The following TATDN2 variants were observed in gnomAD, a reference collection of about 807,000 sequenced individuals.
TATDN2 encodes the protein TatD DNase domain containing 2, also known as 3'-5' RNA nuclease TATDN2.
TATDN2 carries 44 observed loss-of-function variants against 60.3 expected under a neutral mutation model. That is an observed-to-expected ratio of 0.73 (90% confidence interval 0.57 to 0.94). The LOEUF (loss-of-function observed/expected upper bound fraction) is 0.94. Ranked by LOEUF, TATDN2 falls within the 40% of genes least tolerant of loss-of-function variation. TATDN2 has a pLI of 0.00. For missense variants in TATDN2, 997 were observed against 948.0 expected, an observed-to-expected ratio of 1.05 and a Z score of -0.68; for synonymous variants, 399 against 355.8, an observed-to-expected ratio of 1.12 and a Z score of -1.37.
At chr3:10,275,950 G>A (rs528032511) in intron 4 of TATDN2, among the ~76,000 whole-genome samples, 1 of 152,232 alleles carries the variant, frequency 6.6e-6, no homozygotes, top group South Asian at 2.1e-4. Flanking sequence ...GCGGAGGTGG[G>A]GACAGTGAGG....
chr3:10,276,480 G>C lies in TATDN2; in HGVS notation c.1953G>C (p.Lys651Asn). Reference sequence around the variant, plus strand: ...AAAAGTTTGTGCCCCCTGACTACAAGATCCATAGGTTAGAAGACTGGAACT... The same window carrying C: ...AAAAGTTTGTGCCCCCTGACTACAACATCCATAGGTTAGAAGACTGGAACT... ...IMKKFVPPDY[K>N]IHRHCFTGSY... Residue 651 changes from lysine (K) to asparagine (N), a missense_variant, in exon 5 of 8, where the codon AAG becomes AAC. Physicochemically the swap from Lys to Asn is moderately conservative, Grantham distance 94 (BLOSUM62 0). Coordinates refer to ENST00000448281, the MANE Select transcript of TATDN2 (RefSeq NM_014760.4). The C allele has an allele frequency of 6.2e-7, 1 of 1,613,888 alleles. No individual in the cohort carries two copies. The highest frequency in any genetic ancestry group is 8.5e-7 in the Non-Finnish European group (1 of 1,179,906).
At position 10,257,516 on chromosome 3, in the gene TATDN2, G is replaced by T. The variant is rs561001273; in HGVS notation, c.415-2621G>T. Among the ~76,000 whole-genome samples, 34 of 144,812 alleles carry T rather than the reference G, an allele frequency of 2.3e-4. 1 individual carries two copies. The highest frequency in any genetic ancestry group is 9.1e-4 in the South Asian group (4 of 4,378). On this transcript the variant is annotated intron_variant, in intron 2 of 7. Transcript: ENST00000448281. ...TGATTGCACATGCCTGTAATCCCAG[G>T]TACTTGGGAGGCTGAGGCAGGAGAA...
chr3:10,257,442 C>T (rs939494401), intron 2 of TATDN2, among the ~76,000 whole-genome samples: 2 of 150,666 alleles, frequency 1.3e-5, no homozygotes, highest in African/African-American at 4.9e-5. Context: ...ACCAGCCTGG[C>T]CAACATGGCG....
In TATDN2 at chr3:10,268,776, A is replaced by G. The variant is rs188615549; in HGVS notation, c.949-1355A>G. ...CAGCAGATATTCATGAGCACTCAGTATCTGCCAGGCACTGTTCTAGGTGTT... is the reference window on the plus strand; with the variant it reads ...CAGCAGATATTCATGAGCACTCAGTGTCTGCCAGGCACTGTTCTAGGTGTT... On this transcript the variant is annotated intron_variant, in intron 3 of 7. Transcript: ENST00000448281. Among the ~76,000 whole-genome samples, 28 of 152,354 alleles carry G rather than the reference A, an allele frequency of 1.8e-4. 1 individual carries two copies. In the East Asian group the frequency reaches 3.9e-3, roughly 21 times the overall value.
chr3:10,251,007 C>T lies in TATDN2; in HGVS notation c.414+1393C>T, dbSNP rs1472380004. Among the ~76,000 whole-genome samples, 4 of 152,124 alleles carry T rather than the reference C, an allele frequency of 2.6e-5. No homozygotes were observed. The East Asian group carries it at 7.7e-4, about 29-fold the overall frequency. On this transcript the variant is annotated intron_variant, in intron 2 of 7. Transcript: ENST00000448281. ...CTGAATCCCTGGCTGTCCTAAAGAC[C>T]TGGAACTCAGGTTTGAGGGTGTGGT...
intron 4 of TATDN2, among the ~76,000 whole-genome samples, chr3:10,272,973 A>AG (rs3214423): frequency 0.35 from 53,799 of 151,802 alleles, 9,693 homozygotes; most frequent in African/African-American, 0.4. Flanking sequence ...TGGGAGGTTG[A>AG]GCTGCAGTGA....
chr3:10,259,558 G>A (rs1312885772), intron 2 of TATDN2, among the ~76,000 whole-genome samples: 1 of 152,254 alleles, frequency 6.6e-6, no homozygotes, highest in Admixed American at 6.5e-5. Context: ...GTTGGGAGCA[G>A]TCTATCTTGA....
At chr3:10,257,461 T>C (rs1316855926) in intron 2 of TATDN2, among the ~76,000 whole-genome samples, 1 of 150,002 alleles carries the variant, frequency 6.7e-6, no homozygotes, top group East Asian at 2.0e-4. Context: ...CGAAACCCCG[T>C]CTACTAAAAA....
chr3:10,257,656 A>T (rs1698330419), intron 2 of TATDN2, among the ~76,000 whole-genome samples: 1 of 150,854 alleles, frequency 6.6e-6, no homozygotes, highest in East Asian at 1.9e-4. Context: ...TTTAACAAAT[A>T]ATCTCTGTAG....
intron 1 of TATDN2, 37 bp from the exon 2 acceptor site, chr3:10,249,158 G>A (rs1431709061): frequency 2.0e-6 from 3 of 1,482,632 alleles, no homozygotes; most frequent in African/African-American, 1.4e-5. Context: ...TCGCCAGGAA[G>A]GGTGGTGTTG....
chr3:10,278,164 G>C lies in TATDN2; in HGVS notation c.1962-115G>C, dbSNP rs566171066. 1.2e-5 allele frequency: 15 copies of C among 1,248,294 alleles called. No individual in the cohort carries two copies. The South Asian group carries it at 1.8e-4, about 15-fold the overall frequency. The allele number at this position is 1,248,294 out of a possible 1,614,324, so 77.3% of individuals were successfully genotyped here. On this transcript the variant is annotated intron_variant, in intron 5 of 7. Transcript: ENST00000448281. The surrounding 1 kb of genome is among the most constrained non-coding windows in gnomAD (Gnocchi z 4.7). ...GTGTTTACTGTGGAGTCCTTCCCTA[G>C]GATGCAGTCTTTCCATTTCTGGGAA...
At chr3:10,265,110 T>G (rs1364029541) in intron 3 of TATDN2, among the ~76,000 whole-genome samples, 1 of 139,444 alleles carries the variant, frequency 7.2e-6, no homozygotes, top group Non-Finnish European at 1.5e-5. Flanking sequence ...AGAGTCTCAC[T>G]CTGTGGCCCA....
intron 4 of TATDN2, among the ~76,000 whole-genome samples, chr3:10,275,313 G>A (rs533928964): frequency 3.9e-5 from 6 of 152,148 alleles, no homozygotes; most frequent in Non-Finnish European, 8.8e-5. Flanking sequence ...ACCTGGGCTC[G>A]TTAGAGGAAA....
At chr3:10,256,602 A>G (rs985515587) in intron 2 of TATDN2, among the ~76,000 whole-genome samples, 5 of 152,030 alleles carry the variant, frequency 3.3e-5, no homozygotes, top group Non-Finnish European at 5.9e-5. Flanking sequence ...TTCTGGTTTT[A>G]CTTGAAAGAA....
At chr3:10,272,370 T>G (rs1040652620) in intron 4 of TATDN2, among the ~76,000 whole-genome samples, 3 of 151,414 alleles carry the variant, frequency 2.0e-5, no homozygotes, top group Non-Finnish European at 4.4e-5. Context: ...ACCTCCCCAG[T>G]TCAAGTGATT....
chr3:10,266,710 A>G (rs541334111), intron 3 of TATDN2, among the ~76,000 whole-genome samples: 1 of 152,302 alleles, frequency 6.6e-6, no homozygotes, highest in East Asian at 1.9e-4. Flanking sequence ...ATGAAACCTT[A>G]TTTACACCAT....
At chr3:10,275,280 A>G (rs938476045) in intron 4 of TATDN2, among the ~76,000 whole-genome samples, 1 of 152,144 alleles carries the variant, frequency 6.6e-6, no homozygotes, top group Non-Finnish European at 1.5e-5. Context: ...CGCCTGGTGA[A>G]TTAATACTTT....
At chr3:10,254,518 C>T (rs775995880) in intron 2 of TATDN2, among the ~76,000 whole-genome samples, 5 of 152,170 alleles carry the variant, frequency 3.3e-5, no homozygotes, top group African/African-American at 4.8e-5. Flanking sequence ...GACAGGAAGG[C>T]TGGGGCCAGT....
intron 4 of TATDN2, 109 bp from the exon 5 acceptor site, chr3:10,276,252 G>C: frequency 7.3e-7 from 1 of 1,368,292 alleles, no homozygotes; most frequent in South Asian, 1.4e-5. Flanking sequence ...ACATTATATA[G>C]TTAAAAAAAG....
Sources: gnomAD v4.1 joint callset for allele counts (sites outside exome capture counted in the v4.1 genomes callset) on GRCh38, gnomAD v4.1.1 for gene constraint, Gnocchi (gnomAD v3.1) non-coding constraint, MANE v1.5 for transcripts, NCBI Gene and HGNC (gene_info 2026-07-23, HGNC 2026-07-21) for gene names.